Variants in AGAP3 observed in about 807,000 individuals in gnomAD.
AGAP3 encodes the protein arf-GAP with GTPase, ANK repeat and PH domain-containing protein 3.
Under a neutral mutation model 96.9 loss-of-function variants are expected in AGAP3, and 24 were observed. The observed-to-expected ratio is 0.25, with a 90% CI of 0.18 to 0.35. The LOEUF (loss-of-function observed/expected upper bound fraction) is 0.35, where lower values mean the gene tolerates loss of function less well. Ranked by LOEUF, AGAP3 falls within the 10% of genes least tolerant of loss-of-function variation. The pLI, the probability that AGAP3 is intolerant of heterozygous loss-of-function variation, is 1.00. For synonymous variants in AGAP3, 563 were observed against 536.1 expected, an observed-to-expected ratio of 1.05 and a Z score of -0.69; for missense variants, 876 against 1,254.2, an observed-to-expected ratio of 0.70 and a Z score of 4.55.
rs1185497217 is a variant in AGAP3 at position 151,143,681 on chromosome 7, A to G, written c.2530-56A>G. On this transcript the variant is annotated intron_variant, in intron 17 of 17. Coordinates refer to ENST00000397238, the MANE Select transcript of AGAP3 (RefSeq NM_031946.7). This position sits in a 1 kb window ranked among gnomAD's most constrained non-coding sequence, Gnocchi z 5.9. ...GCAACCTCTTCTTTCCTCCCCTACA[A>G]CCAATCTCTCTCCTCCCATGTCTTG... The G allele has an allele frequency of 1.7e-5, 27 of 1,610,406 alleles. No individual in the cohort carries two copies. Among genetic ancestry groups the G allele is most frequent in the South Asian group, 5.5e-5 (5 of 90,912 alleles).
intron 7 of AGAP3, among the ~76,000 whole-genome samples, chr7:151,119,705 T>C (rs537755966): frequency 6.6e-6 from 1 of 152,338 alleles, no homozygotes; most frequent in South Asian, 2.1e-4. Flanking sequence ...TACCAGCCTG[T>C]GCCTCTGACT....
chr7:151,100,590 G>A (rs1798798763), intron 1 of AGAP3, among the ~76,000 whole-genome samples: 1 of 152,192 alleles, frequency 6.6e-6, no homozygotes, highest in Non-Finnish European at 1.5e-5. Flanking sequence ...CCAGCACTTT[G>A]GGAGGCCAAG....
intron 1 of AGAP3, among the ~76,000 whole-genome samples, chr7:151,109,098 C>T (rs1263867936): frequency 6.6e-6 from 1 of 151,452 alleles, no homozygotes; most frequent in Admixed American, 6.6e-5. Context: ...AAGGTCAAGG[C>T]CAGTTGATCA....
chr7:151,099,275 G>A (rs868738272), intron 1 of AGAP3, among the ~76,000 whole-genome samples: 4 of 151,192 alleles, frequency 2.6e-5, no homozygotes, highest in East Asian at 2.0e-4. Context: ...CCCGGGAGGC[G>A]GAGCTTGCAG....
chr7:151,090,939 G>A (rs1030186976), intron 1 of AGAP3, among the ~76,000 whole-genome samples: 4 of 152,086 alleles, frequency 2.6e-5, no homozygotes, highest in African/African-American at 7.2e-5. Flanking sequence ...GCAAGACTCC[G>A]TCTCAAAAAA....
intron 1 of AGAP3, among the ~76,000 whole-genome samples, chr7:151,088,890 C>A (rs753539808): frequency 7.9e-5 from 12 of 152,320 alleles, no homozygotes; most frequent in Admixed American, 2.6e-4. Context: ...TTCTCCATTG[C>A]GGTTTGGAAA....
In AGAP3 at chr7:151,118,527, G is replaced by A. The variant is rs1799706801; in HGVS notation, c.864G>A (p.Leu288=). Residue 288 remains leucine (L), a synonymous_variant, in exon 7 of 18, where the codon TTG becomes TTA. Transcript: ENST00000397238. The surrounding 1 kb of genome is among the most constrained non-coding windows in gnomAD (Gnocchi z 6.1). ...FQDVAQKVVA[L]RKKQQLAIGP... The stretch of plus-strand genomic sequence containing the variant: ...CAGTGGCCCAGAAGGTAGTGGCCTT[G>A]CGAAAGAAGCAGCAACTGGCCATCG... The A allele has an allele frequency of 1.2e-6, 2 of 1,614,194 alleles. No homozygotes were observed. The highest frequency in any genetic ancestry group is 1.7e-6 in the Non-Finnish European group (2 of 1,180,038).
At position 151,138,174 on chromosome 7, in the gene AGAP3, G is replaced by A; in HGVS notation, c.1527G>A (p.Leu509=). ...GAPHSASSAS[L]HSERPLSSSA... ...CCCACTCGGCCAGCAGCGCATCCCT[G>A]CACTCTGAGCGCCCCCTCAGCAGCT... Residue 509 remains leucine (L), a synonymous_variant, in exon 12 of 18, where the codon CTG becomes CTA. Transcript: ENST00000397238. The A allele has an allele frequency of 6.2e-7, 1 of 1,608,032 alleles. No homozygotes were observed. The highest frequency in any genetic ancestry group is 1.1e-5 in the South Asian group (1 of 90,000).
intron 8 of AGAP3, among the ~76,000 whole-genome samples, chr7:151,122,409 G>A (rs1010659723): frequency 6.6e-6 from 1 of 152,226 alleles, no homozygotes; most frequent in Non-Finnish European, 1.5e-5. Context: ...CTGGGAGAAC[G>A]GGAGGGATGG....
intron 1 of AGAP3, 135 bp downstream of exon 1, chr7:151,087,207 T>C (rs1477390287): frequency 1.0e-6 from 1 of 952,414 alleles, no homozygotes; most frequent in Non-Finnish European, 1.6e-6. Flanking sequence ...GCCACGAGGT[T>C]TGCCGATCTG....
chr7:151,143,487 A>G lies in AGAP3; in HGVS notation c.2420A>G (p.His807Arg), dbSNP rs1800902147. 4 of 1,614,100 alleles carry G rather than the reference A, an allele frequency of 2.5e-6. No homozygotes were observed. Among genetic ancestry groups the G allele is most frequent in the Non-Finnish European group, 3.4e-6 (4 of 1,180,038 alleles). Residue 807 changes from histidine to arginine, a missense_variant, in exon 17 of 18, where the codon CAT becomes CGT. By Grantham distance (29) the His-to-Arg change is conservative (BLOSUM62 0). Transcript: ENST00000397238. The surrounding 1 kb of genome is among the most constrained non-coding windows in gnomAD (Gnocchi z 5.9). ...CGGCTGTTGGTGATGCTCCTGGCAC[A>G]TGGCTCCAAAGAGGAGGTGAATGAG... The part of the protein sequence containing the change: ...DLRLLVMLLA[H>R]GSKEEVNETY...
chr7:151,121,344 G>T (rs552202240), intron 8 of AGAP3, among the ~76,000 whole-genome samples: 6 of 151,916 alleles, frequency 3.9e-5, no homozygotes, highest in Non-Finnish European at 5.9e-5. Context: ...TAGAGCGTGG[G>T]GGGGGCCGCC....
rs546085890 is a variant in AGAP3, at chr7:151,108,579, G to A, written c.332-8214G>A. 2.6e-5 allele frequency among the ~76,000 whole-genome samples: 4 copies of A among 152,326 alleles called. No homozygotes were observed. Among genetic ancestry groups the A allele is most frequent in the East Asian group, 3.9e-4 (2 of 5,186 alleles). On this transcript the variant is annotated intron_variant, in intron 1 of 17. Transcript: ENST00000397238. This position sits in a 1 kb window ranked among gnomAD's most constrained non-coding sequence, Gnocchi z 4.2. ...ATCCCCGGGCCTCAGAGCAGCCTTC[G>A]GAGGGTCCCAAGGATGTAGGCTGGG...
chr7:151,116,428 G>A (rs1007388351), intron 1 of AGAP3: 6 of 312,190 alleles, frequency 1.9e-5, no homozygotes, highest in African/African-American at 1.1e-4. Flanking sequence ...GAGACCTGCT[G>A]GAGTGGCCTC....
chr7:151,137,835 T>A, intron 11 of AGAP3: 1 of 422,938 alleles, frequency 2.4e-6, no homozygotes. Flanking sequence ...CGGCGATGGG[T>A]GTCAGCACCA....
chr7:151,119,996 G>T lies in AGAP3; in HGVS notation c.979G>T (p.Gly327Cys). The T allele has an allele frequency of 1.9e-6, 3 of 1,612,812 alleles. No homozygotes were observed. Among genetic ancestry groups the T allele is most frequent in the Non-Finnish European group, 2.5e-6 (3 of 1,179,772 alleles). ...PAVHINQATN[G>C]GGSAFSDYSS... ...CCCTCTTTGTCCTTAGGCCACGAAT[G>T]GCGGCGGCAGCGCCTTCAGCGACTA... The change falls in exon 8 of 18, where the codon GGC becomes TGC. Residue 327 changes from glycine (G) to cysteine (C), a missense_variant. Physicochemically the swap from Gly to Cys is radical, Grantham distance 159. This residue lies in a region of AGAP3 where 100 missense variants were observed against 129.4 expected (regional missense o/e 0.77). Transcript: ENST00000397238.
Position 151,123,003 on chromosome 7 carries a change from C to T in AGAP3, c.1129-791C>T, listed in dbSNP as rs1585087003. 5.7e-6 allele frequency: 8 copies of T among 1,406,738 alleles called. No homozygotes were observed. The East Asian group carries it at 1.9e-4, about 33-fold the overall frequency. 87.1% of individuals were successfully genotyped at this position (1,406,738 alleles called of 1,614,324 possible). A position where few individuals can be genotyped will look rare whatever the true frequency, so the allele number is the denominator to read the frequency against. On this transcript the variant is annotated intron_variant, in intron 8 of 17. Transcript: ENST00000397238. ...GCCGGGGACCAGGCCCGGCCGGACG[C>T]TGCAGGCTCGCTGCATGGAGAAGAA...
At chr7:151,100,358 C>G (rs1297347742) in intron 1 of AGAP3, among the ~76,000 whole-genome samples, 1 of 152,220 alleles carries the variant, frequency 6.6e-6, no homozygotes, top group South Asian at 2.1e-4. Flanking sequence ...TGAGCCTGCT[C>G]TGTGCCCTGC....
chr7:151,123,663 C>G lies in AGAP3; in HGVS notation c.1129-131C>G, dbSNP rs1023937041. 5 of 1,529,470 alleles carry G rather than the reference C, an allele frequency of 3.3e-6. No homozygotes were observed. In the African/African-American group the frequency reaches 6.8e-5, roughly 21 times the overall value. 94.7% of individuals were successfully genotyped at this position (1,529,470 alleles called of 1,614,324 possible). ...TCGTGGTCTCAGTTCCTTCCCGTCC[C>G]GCCGCCCCGGCCCGACCCACTGCTA... is the stretch of plus-strand genomic sequence containing the variant. On this transcript the variant is annotated intron_variant, in intron 8 of 17. Transcript: ENST00000397238.
Sources: allele counts gnomAD v4.1 joint callset (sites outside exome capture counted in the v4.1 genomes callset), GRCh38; gene constraint gnomAD v4.1.1; regional missense constraint gnomAD v4.1.1; non-coding constraint Gnocchi (gnomAD v3.1); transcripts MANE v1.5; gene names NCBI Gene and HGNC (gene_info 2026-07-23, HGNC 2026-07-21).